FAM76A: variants seen among roughly 807,000 people sequenced by gnomAD.
FAM76A encodes the protein protein FAM76A.
A neutral mutation model predicts 46.2 loss-of-function variants in FAM76A; 32 were observed. The ratio of observed to expected loss-of-function variants is 0.69; its 90% CI spans 0.52 to 0.93. The LOEUF (loss-of-function observed/expected upper bound fraction) is 0.93. Ranked by LOEUF, FAM76A falls within the 40% of genes least tolerant of loss-of-function variation. FAM76A has a pLI of 0.00. For missense variants in FAM76A, 274 were observed against 361.5 expected (o/e 0.76, Z 1.96); for synonymous variants, 137 against 127.0 (o/e 1.08, Z -0.53).
chr1:27,740,188 C>A, intron 4 of FAM76A: 2 of 576,332 alleles, frequency 3.5e-6, no homozygotes, highest in South Asian at 3.4e-5. Context: ...TGGGTAAAAT[C>A]AATAGCTATA....
At chr1:27,746,448 C>T (rs1022345212) in intron 5 of FAM76A, among the ~76,000 whole-genome samples, 2 of 152,088 alleles carry the variant, frequency 1.3e-5, no homozygotes, top group South Asian at 2.1e-4. Flanking sequence ...TCTAGCTGGG[C>T]GCGGTGGCTC....
Position 27,744,622 on chromosome 1 carries a change from CTCT to C in FAM76A, c.355-27_355-25del, listed in dbSNP as rs750271512. Reference sequence around the variant, plus strand: ...GTTTGCAGCCACTGCGCTAAATTCCCTCTTCTTTATCTTTGTCTCCTTGTCTTT... The same window carrying C: ...GTTTGCAGCCACTGCGCTAAATTCCCTCTTTATCTTTGTCTCCTTGTCTTT... On this transcript the variant is annotated intron_variant, in intron 4 of 8. Transcript: ENST00000373954. 3.7e-6 allele frequency: 6 copies of C among 1,610,408 alleles called. No homozygotes were observed. The East Asian group carries it at 8.9e-5, about 24-fold the overall frequency.
chr1:27,754,385 C>A (rs899468723), intron 6 of FAM76A, among the ~76,000 whole-genome samples: 1 of 152,124 alleles, frequency 6.6e-6, no homozygotes. Flanking sequence ...GGATTATAGG[C>A]GTGAGCCACC....
In FAM76A at chr1:27,726,167, C is replaced by T; in HGVS notation, c.81+6C>T. ...AGGGGCAGCAGCTGTGCAAGGTGCG[C>T]GGGCTGGGGCGGCGGCCGGGAACTG... On this transcript the variant is annotated splice_donor_region_variant and intron_variant, in intron 1 of 8. Transcript: ENST00000373954. The T allele has an allele frequency of 1.6e-6, 2 of 1,275,616 alleles. No homozygotes were observed. Among genetic ancestry groups the T allele is most frequent in the Non-Finnish European group, 2.0e-6 (2 of 1,010,608 alleles). 79.0% of individuals were successfully genotyped at this position (1,275,616 alleles called of 1,614,324 possible). A position where few individuals can be genotyped will look rare whatever the true frequency, so the allele number is the denominator to read the frequency against.
chr1:27,726,294 C>G, intron 1 of FAM76A, 133 bp downstream of exon 1: 1 of 791,580 alleles, frequency 1.3e-6, no homozygotes, highest in African/African-American at 1.8e-5. Context: ...GGAGCCGCAC[C>G]CACCCCGCTG....
At chr1:27,739,383 G>T in intron 4 of FAM76A, 1 of 522,650 alleles carries the variant, frequency 1.9e-6, no homozygotes, top group South Asian at 1.4e-5. Context: ...TCAAAAACTG[G>T]TAGAATCTTA....
intron 4 of FAM76A, among the ~76,000 whole-genome samples, chr1:27,735,749 TC>T (rs2088033371): frequency 6.6e-6 from 1 of 152,190 alleles, no homozygotes; most frequent in African/African-American, 2.4e-5. Context: ...ACTTTCTTCA[TC>T]TTTCTCCATG....
intron 2 of FAM76A, 131 bp from the exon 3 acceptor site, chr1:27,732,472 A>G (rs2087975751): frequency 1.7e-6 from 1 of 582,186 alleles, no homozygotes; most frequent in Admixed American, 2.7e-5. Flanking sequence ...AAGGTACTCA[A>G]GCTAGTGTTA....
At chr1:27,727,376 G>C in intron 1 of FAM76A, 96 bp from the exon 2 acceptor site, 1 of 950,546 alleles carries the variant, frequency 1.1e-6, no homozygotes, top group Non-Finnish European at 1.7e-6. Context: ...CTCAAGCATA[G>C]TAGCTATGCT....
intron 6 of FAM76A, among the ~76,000 whole-genome samples, chr1:27,750,620 T>G (rs1344850580): frequency 1.3e-5 from 2 of 152,270 alleles, no homozygotes; most frequent in Admixed American, 6.5e-5. Flanking sequence ...TTGAATGACC[T>G]GGAAAAAGCT....
Position 27,759,634 on chromosome 1 carries a change from G to T in FAM76A, c.837+7G>T. The T allele has an allele frequency of 6.3e-7, 1 of 1,598,082 alleles. No individual in the cohort carries two copies. The highest frequency in any genetic ancestry group is 1.1e-5 in the South Asian group (1 of 90,300). ...AGTCACAGAACAACTGCAGGTGACT[G>T]ACTCTGCTTATTTTATGTGCTAAAA... On this transcript the variant is annotated splice_region_variant and intron_variant, in intron 8 of 8. Transcript: ENST00000373954.
intron 2 of FAM76A, among the ~76,000 whole-genome samples, chr1:27,732,389 C>G (rs1440424967): frequency 6.6e-6 from 1 of 152,124 alleles, no homozygotes; most frequent in Admixed American, 6.6e-5. Flanking sequence ...GATTGCACCA[C>G]TGCACTCCAG....
intron 4 of FAM76A, among the ~76,000 whole-genome samples, chr1:27,742,933 G>A (rs183524714): frequency 1.3e-5 from 2 of 152,042 alleles, no homozygotes; most frequent in East Asian, 3.9e-4. Context: ...TGTGATGGCA[G>A]GCGCTTGTAA....
chr1:27,728,365 T>C (rs1324574922), intron 2 of FAM76A, among the ~76,000 whole-genome samples: 1 of 152,184 alleles, frequency 6.6e-6, no homozygotes, highest in African/African-American at 2.4e-5. Flanking sequence ...ATCTCTTTTT[T>C]TGTTTGAAAC....
chr1:27,755,966 C>T (rs936360655), intron 7 of FAM76A, among the ~76,000 whole-genome samples: 2 of 152,170 alleles, frequency 1.3e-5, no homozygotes, highest in African/African-American at 4.8e-5. Context: ...ATGTAACAAA[C>T]AGTACACAGT....
chr1:27,744,874 A>C (rs1571486304), intron 5 of FAM76A, 63 bp downstream of exon 5: 2 of 1,513,190 alleles, frequency 1.3e-6, no homozygotes, highest in East Asian at 2.3e-5. Flanking sequence ...ATGCTCACAT[A>C]ACCATCATGG....
At chr1:27,741,192 GA>G (rs2088146295) in intron 4 of FAM76A, among the ~76,000 whole-genome samples, 5 of 130,708 alleles carry the variant, frequency 3.8e-5, no homozygotes, top group Non-Finnish European at 6.2e-5. Flanking sequence ...TGGGAGATTT[GA>G]TTTTTTTTTT....
chr1:27,740,740 A>G (rs1213984699), intron 4 of FAM76A: 2 of 400,962 alleles, frequency 5.0e-6, no homozygotes, highest in Non-Finnish European at 9.1e-6. Context: ...TTTCTGAGCA[A>G]TTATTCATTC....
chr1:27,734,922 G>A (rs1045815931), intron 4 of FAM76A, among the ~76,000 whole-genome samples: 3 of 152,248 alleles, frequency 2.0e-5, no homozygotes, highest in Non-Finnish European at 2.9e-5. Context: ...TACCTTGAGA[G>A]AATCAAAATG....
Sources: allele counts gnomAD v4.1 joint callset (sites outside exome capture counted in the v4.1 genomes callset), GRCh38; gene constraint gnomAD v4.1.1; transcripts MANE v1.5; gene names NCBI Gene and HGNC (gene_info 2026-07-23, HGNC 2026-07-21).